The following KIF4A variants were observed in gnomAD, a reference collection of about 807,000 sequenced individuals.
KIF4A encodes the protein kinesin family member 4A, also known as chromosome-associated kinesin KIF4A.
KIF4A carries 7 observed loss-of-function variants against 105.9 expected under a neutral mutation model. The ratio of observed to expected loss-of-function variants is 0.07; its 90% CI spans 0.04 to 0.12. The LOEUF is 0.12. Among genes scored for constraint, KIF4A ranks in the 10% least tolerant of loss-of-function variants. The pLI, the probability that KIF4A is intolerant of heterozygous loss-of-function variation, is 1.00. For synonymous variants in KIF4A, 281 were observed against 331.3 expected (o/e 0.85, Z 1.65); for missense variants, 558 against 929.2 (o/e 0.60, Z 5.19).
intron 7 of KIF4A, among the ~76,000 whole-genome samples, chrX:70,316,449 G>T (rs1353534954): frequency 9.0e-6 from 1 of 110,901 alleles, no homozygotes; most frequent in Non-Finnish European, 1.9e-5. Flanking sequence ...CTGCCAGATA[G>T]ATTATAAATA....
chrX:70,415,961 G>A (rs953638475), intron 28 of KIF4A, among the ~76,000 whole-genome samples: 8 of 100,256 alleles, frequency 8.0e-5, no homozygotes, highest in Non-Finnish European at 1.6e-4. Context: ...TCCGCCTCCC[G>A]GGTTCAAGCG....
chrX:70,375,638 T>C (rs1243829616), intron 17 of KIF4A, among the ~76,000 whole-genome samples: 1 of 111,768 alleles, frequency 8.9e-6, no homozygotes, highest in East Asian at 2.8e-4. Context: ...TCACCTTCCA[T>C]GATCATGCAG....
At chrX:70,411,996 A>G (rs1287485431) in intron 28 of KIF4A, among the ~76,000 whole-genome samples, 1 of 111,328 alleles carries the variant, frequency 9.0e-6, no homozygotes, top group Non-Finnish European at 1.9e-5. Context: ...ACACACACAC[A>G]CACACCACCC....
chrX:70,359,868 G>C (rs1394541178), intron 15 of KIF4A, among the ~76,000 whole-genome samples: 1 of 111,364 alleles, frequency 9.0e-6, no homozygotes, highest in Non-Finnish European at 1.9e-5. Flanking sequence ...CTGTTAGTAG[G>C]GAGGAAGGAG....
intron 25 of KIF4A, 63 bp downstream of exon 25, chrX:70,404,885 T>G: frequency 2.7e-6 from 2 of 738,392 alleles, no homozygotes; most frequent in Non-Finnish European, 4.1e-6. Context: ...CTTGTCTCAT[T>G]TAGACCCTTG....
rs766503178 is a variant in KIF4A, at chrX:70,293,654, A to G, written c.235+2849A>G. ...CTGCTCCTAGGCTACAAACCTGCAAAGCATGTTACTGTACTGAATACTGTA... is the reference window on the plus strand; with the variant it reads ...CTGCTCCTAGGCTACAAACCTGCAAGGCATGTTACTGTACTGAATACTGTA... On this transcript the variant is annotated intron_variant, in intron 3 of 30. Transcript: ENST00000374403. 2.7e-5 allele frequency among the ~76,000 whole-genome samples: 3 copies of G among 112,560 alleles called. No individual in the cohort carries two copies. In the East Asian group the frequency reaches 8.3e-4, roughly 31 times the overall value.
intron 28 of KIF4A, among the ~76,000 whole-genome samples, chrX:70,417,573 G>A (rs147380088): frequency 0.017 from 1,859 of 111,873 alleles, 36 homozygotes; most frequent in African/African-American, 0.057. Context: ...CTTGAACCTG[G>A]GAGGCGGAGG....
At chrX:70,365,485 CA>C (rs2086098029) in intron 15 of KIF4A, among the ~76,000 whole-genome samples, 1 of 112,126 alleles carries the variant, frequency 8.9e-6, no homozygotes, top group Non-Finnish European at 1.9e-5. Context: ...GCCTTTTCTG[CA>C]TCTACTGAGA....
intron 2 of KIF4A, 42 bp from the exon 3 acceptor site, chrX:70,290,649 C>T: frequency 8.3e-7 from 1 of 1,205,364 alleles, no homozygotes; most frequent in Non-Finnish European, 1.1e-6. Flanking sequence ...GTGGTCTTGC[C>T]TTTCATTTTT....
chrX:70,376,011 CTCTCTTCTTAATGGTAAG>C, intron 17 of KIF4A, 71 bp from the exon 18 acceptor site: 1 of 577,129 alleles, frequency 1.7e-6, no homozygotes, highest in Non-Finnish European at 2.8e-6. Flanking sequence ...TCTGGCTTTT[CTCTCTTCTTAATGGTAAG>C]TCTATCCATC....
intron 4 of KIF4A, among the ~76,000 whole-genome samples, chrX:70,298,468 A>G (rs1221656282): frequency 1.8e-5 from 2 of 110,378 alleles, no homozygotes; most frequent in Non-Finnish European, 3.8e-5. Flanking sequence ...CCTGGGCTCA[A>G]GTGATCCTCC....
At chrX:70,362,230 C>A (rs1221027917) in intron 15 of KIF4A, 14 of 347,784 alleles carry the variant, frequency 4.0e-5, no homozygotes, top group Non-Finnish European at 7.4e-5. Flanking sequence ...TTGACCAAGG[C>A]CTTCCCCATT....
intron 13 of KIF4A, among the ~76,000 whole-genome samples, chrX:70,351,735 T>C (rs2086031560): frequency 1.8e-5 from 2 of 111,186 alleles, no homozygotes; most frequent in Non-Finnish European, 3.8e-5. Context: ...TGTTTTTTGT[T>C]TTTGTTTTTG....
At position 70,419,584 on chromosome X, in the gene KIF4A, T is replaced by C. The variant is rs1300769724; in HGVS notation, c.3373-77T>C. Reference sequence around the variant, plus strand: ...ATCAGGCACTTAGAGCTGTTACCTCTTTGGTTGAATGGGAGCAGACTGATT... The same window carrying C: ...ATCAGGCACTTAGAGCTGTTACCTCCTTGGTTGAATGGGAGCAGACTGATT... On this transcript the variant is annotated intron_variant, in intron 29 of 30. Coordinates refer to ENST00000374403, the MANE Select transcript of KIF4A (RefSeq NM_012310.5). 3 of 1,148,611 alleles carry C rather than the reference T, an allele frequency of 2.6e-6. No individual in the cohort carries two copies. In the Admixed American group the frequency reaches 6.6e-5, roughly 25 times the overall value. 94.7% of individuals were successfully genotyped at this position (1,148,611 alleles called of 1,213,427 possible).
intron 18 of KIF4A, among the ~76,000 whole-genome samples, chrX:70,384,453 C>T (rs935922088): frequency 1.8e-5 from 2 of 110,762 alleles, no homozygotes; most frequent in African/African-American, 6.6e-5. Context: ...AGAAGTTGGG[C>T]TGGACTTTGC....
At chrX:70,391,732 A>G (rs764039310) in intron 20 of KIF4A, among the ~76,000 whole-genome samples, 49 of 110,892 alleles carry the variant, frequency 4.4e-4, no homozygotes, top group Non-Finnish European at 7.2e-4. Flanking sequence ...AATCAGCATG[A>G]TACCCAATAG....
At chrX:70,374,449 C>T (rs190840990) in intron 16 of KIF4A, among the ~76,000 whole-genome samples, 195 bp downstream of exon 16, 18 of 111,930 alleles carry the variant, frequency 1.6e-4, no homozygotes, top group Admixed American at 3.8e-4. Flanking sequence ...AAAAGAATGT[C>T]ATAACACAGC....
At chrX:70,295,934 T>C (rs1419345623) in intron 3 of KIF4A, among the ~76,000 whole-genome samples, 3 of 53,409 alleles carry the variant, frequency 5.6e-5, no homozygotes, top group Non-Finnish European at 1.3e-4. Flanking sequence ...AAAAAAAATT[T>C]ACCATCCTAT....
intron 20 of KIF4A, among the ~76,000 whole-genome samples, chrX:70,394,328 C>T (rs866571571): frequency 1.3e-4 from 14 of 109,763 alleles, no homozygotes; most frequent in African/African-American, 4.3e-4. Flanking sequence ...CTCAGTCTCC[C>T]GACTAGCTGA....
Sources: allele counts gnomAD v4.1 joint callset (sites outside exome capture counted in the v4.1 genomes callset), GRCh38; gene constraint gnomAD v4.1.1; transcripts MANE v1.5; gene names NCBI Gene and HGNC (gene_info 2026-07-23, HGNC 2026-07-21).